The following DACH1 variants were observed in gnomAD, a reference collection of about 807,000 sequenced individuals.
DACH1 encodes dachshund family transcription factor 1.
DACH1 carries 12 observed loss-of-function variants against 54.2 expected under a neutral mutation model. That is an observed-to-expected ratio of 0.22 (90% confidence interval 0.14 to 0.36). The LOEUF (loss-of-function observed/expected upper bound fraction) is 0.36. Ranked by LOEUF, DACH1 falls within the 10% of genes least tolerant of loss-of-function variation. DACH1 has a pLI of 1.00. For missense variants in DACH1, 805 were observed against 929.8 expected (o/e 0.87, Z 1.75); for synonymous variants, 386 against 366.2 (o/e 1.05, Z -0.62).
At chr13:71,861,381 C>T (rs1386596074) in intron 1 of DACH1, among the ~76,000 whole-genome samples, 3 of 151,934 alleles carry the variant, frequency 2.0e-5, no homozygotes, top group South Asian at 2.1e-4. Context: ...AAAATAACCA[C>T]GATATTGTGA....
At chr13:71,654,825 T>C (rs1878980869) in intron 2 of DACH1, among the ~76,000 whole-genome samples, 1 of 152,140 alleles carries the variant, frequency 6.6e-6, no homozygotes, top group Admixed American at 6.5e-5. Flanking sequence ...ACAAAAATAA[T>C]TCTAACAATA....
rs1885109971 is a variant in DACH1, at chr13:71,570,145, G to T, written c.1299+2695C>A. 3.9e-5 allele frequency among the ~76,000 whole-genome samples: 6 copies of T among 152,216 alleles called. No individual in the cohort carries two copies. In the South Asian group the frequency reaches 1.2e-3, roughly 32 times the overall value. On this transcript the variant is annotated intron_variant, in intron 4 of 10. Coordinates refer to ENST00000613252, the MANE Select transcript of DACH1 (RefSeq NM_080759.6). Reference sequence around the variant, plus strand: ...TCAACCAATATATACATTTAGACAGGTTGATTTGTTAACTTCTCCTCTCTA... The same window carrying T: ...TCAACCAATATATACATTTAGACAGTTTGATTTGTTAACTTCTCCTCTCTA...
At chr13:71,606,932 TGAA>T (rs1874923557) in intron 3 of DACH1, among the ~76,000 whole-genome samples, 2 of 152,056 alleles carry the variant, frequency 1.3e-5, no homozygotes, top group East Asian at 3.9e-4. Flanking sequence ...TTGAGCATTT[TGAA>T]GTAGTGAGCC....
At chr13:71,617,680 C>A (rs772824403) in intron 3 of DACH1, among the ~76,000 whole-genome samples, 47 of 152,304 alleles carry the variant, frequency 3.1e-4, no homozygotes, top group Non-Finnish European at 6.3e-4. Flanking sequence ...TCTATGACCT[C>A]TTTCAAAGAA....
chr13:71,843,632 C>T (rs767485501), intron 1 of DACH1, among the ~76,000 whole-genome samples: 2 of 152,098 alleles, frequency 1.3e-5, no homozygotes, highest in Admixed American at 1.3e-4. Context: ...AATGATAGTA[C>T]TCTATGTTCC....
chr13:71,697,105 T>G (rs1881873654), intron 1 of DACH1, among the ~76,000 whole-genome samples: 1 of 152,166 alleles, frequency 6.6e-6, no homozygotes, highest in Admixed American at 6.5e-5. Context: ...AAATACCACA[T>G]AGCTACTTGT....
chr13:71,698,620 AATT>A (rs1226947065), intron 1 of DACH1, among the ~76,000 whole-genome samples: 62 of 152,264 alleles, frequency 4.1e-4, no homozygotes, highest in African/African-American at 1.5e-3. Flanking sequence ...ACTAGACTGA[AATT>A]ATAGTAAGTC....
chr13:71,794,028 A>G (rs889473681), intron 1 of DACH1, among the ~76,000 whole-genome samples: 20 of 152,010 alleles, frequency 1.3e-4, no homozygotes, highest in African/African-American at 4.6e-4. Context: ...GCTGTGTTTA[A>G]TGCTATAATT....
intron 1 of DACH1, among the ~76,000 whole-genome samples, chr13:71,723,308 G>A (rs1479918978): frequency 6.6e-6 from 1 of 151,926 alleles, no homozygotes; most frequent in Non-Finnish European, 1.5e-5. Flanking sequence ...CAGCTACTCA[G>A]GAGCCTAAGG....
chr13:71,846,674 T>C (rs1167434699), intron 1 of DACH1, among the ~76,000 whole-genome samples: 5 of 152,190 alleles, frequency 3.3e-5, no homozygotes, highest in African/African-American at 1.2e-4. Context: ...AAGTACTATT[T>C]GAATAGGACA....
Position 71,780,692 on chromosome 13 carries a change from CCT to C in DACH1, c.848+85228_848+85229del, listed in dbSNP as rs562195913. Among the ~76,000 whole-genome samples, 236 of 151,984 alleles carry C rather than the reference CCT, an allele frequency of 1.6e-3. 1 individual carries two copies. Among genetic ancestry groups the C allele is most frequent in the Non-Finnish European group, 2.5e-3 (168 of 67,938 alleles). ...TAATGAAAAGAATGTTCCTCTCTCC[CCT>C]CTCTTCCTTCACTTAACTTTTACTC... On this transcript the variant is annotated intron_variant, in intron 1 of 10. Coordinates refer to ENST00000613252, the MANE Select transcript of DACH1 (RefSeq NM_080759.6).
At chr13:71,631,582 C>A (rs1161162627) in intron 2 of DACH1, among the ~76,000 whole-genome samples, 1 of 152,178 alleles carries the variant, frequency 6.6e-6, no homozygotes, top group Non-Finnish European at 1.5e-5. Flanking sequence ...AATTTAAGTG[C>A]TGATTTAAGT....
intron 1 of DACH1, among the ~76,000 whole-genome samples, chr13:71,706,302 T>G (rs1350912184): frequency 6.6e-6 from 1 of 151,794 alleles, no homozygotes; most frequent in Non-Finnish European, 1.5e-5. Flanking sequence ...TAGCCTTTCA[T>G]CCATTTAAGA....
chr13:71,588,148 C>T (rs1175409631), intron 3 of DACH1, among the ~76,000 whole-genome samples: 1 of 152,098 alleles, frequency 6.6e-6, no homozygotes, highest in African/African-American at 2.4e-5. Context: ...AATCTACTAA[C>T]AACGCTTTTT....
intron 4 of DACH1, among the ~76,000 whole-genome samples, chr13:71,571,864 T>C (rs1315928601): frequency 6.6e-6 from 1 of 151,662 alleles, no homozygotes; most frequent in Non-Finnish European, 1.5e-5. Context: ...GGCTTCCGAG[T>C]AGCTGGGACT....
intron 1 of DACH1, among the ~76,000 whole-genome samples, chr13:71,788,292 C>T (rs1310337307): frequency 6.6e-6 from 1 of 152,098 alleles, no homozygotes; most frequent in Non-Finnish European, 1.5e-5. Context: ...GGATTAGAGA[C>T]ACTCTAATGT....
chr13:71,683,204 G>A lies in DACH1; in HGVS notation c.849-1294C>T, dbSNP rs116731934. On this transcript the variant is annotated intron_variant, in intron 1 of 10. Transcript: ENST00000613252. Reference sequence around the variant, plus strand: ...TTAGACTTCAGAAGTTTGTATTCTTGCCAAAGGGGAAGAATCTGGTGCATA... The same window carrying A: ...TTAGACTTCAGAAGTTTGTATTCTTACCAAAGGGGAAGAATCTGGTGCATA... Among the ~76,000 whole-genome samples, 1,016 of 152,214 alleles carry A rather than the reference G, an allele frequency of 6.7e-3. 15 individuals are homozygous for A. Among genetic ancestry groups the A allele is most frequent in the African/African-American group, 0.023 (960 of 41,560 alleles).
intron 10 of DACH1, among the ~76,000 whole-genome samples, chr13:71,458,503 C>G (rs1451089501): frequency 6.6e-6 from 1 of 151,722 alleles, no homozygotes; most frequent in Non-Finnish European, 1.5e-5. Context: ...TTTTACATCT[C>G]TTAGGGAAAA....
intron 2 of DACH1, among the ~76,000 whole-genome samples, chr13:71,642,130 T>G (rs1437996277): frequency 1.3e-5 from 2 of 152,194 alleles, no homozygotes; most frequent in African/African-American, 4.8e-5. Context: ...TCTCTTCATT[T>G]TAGACGCAAT....
Sources: gnomAD v4.1 joint callset for allele counts (sites outside exome capture counted in the v4.1 genomes callset) on GRCh38, gnomAD v4.1.1 for gene constraint, MANE v1.5 for transcripts, NCBI Gene and HGNC (gene_info 2026-07-23, HGNC 2026-07-21) for gene names.